Variants in DLGAP1 observed in about 807,000 individuals in gnomAD.
DLGAP1 encodes disks large-associated protein 1.
In DLGAP1, 11 loss-of-function variants were observed where a neutral mutation model predicts 90.8. That is an observed-to-expected ratio of 0.12 (90% confidence interval 0.08 to 0.20). The LOEUF (loss-of-function observed/expected upper bound fraction) is 0.20. Among genes scored for constraint, DLGAP1 ranks in the 10% least tolerant of loss-of-function variants. DLGAP1 has a pLI of 1.00. For missense variants in DLGAP1, 1,050 were observed against 1,333.8 expected (o/e 0.79, Z 3.31); for synonymous variants, 558 against 540.7 (o/e 1.03, Z -0.44).
At chr18:3,606,627 T>C (rs943848537) in intron 7 of DLGAP1, 1 of 152,170 alleles carries the variant, frequency 6.6e-6, no homozygotes, top group Admixed American at 6.5e-5. Context: ...ATTGTAACTA[T>C]ACCAAATTAC....
chr18:4,351,505 C>A (rs540536741), intron 1 of DLGAP1, among the ~76,000 whole-genome samples: 1 of 152,266 alleles, frequency 6.6e-6, no homozygotes, highest in African/African-American at 2.4e-5. Context: ...CTAAGGGTCT[C>A]TTAGGTGACT....
intron 2 of DLGAP1, among the ~76,000 whole-genome samples, chr18:4,116,948 C>T (rs9958265): frequency 0.51 from 77,191 of 151,950 alleles, 20,910 homozygotes; most frequent in African/African-American, 0.7. Flanking sequence ...CCAAAATTCA[C>T]AGATTGAAGT....
chr18:4,436,777 T>C (rs2083410053), intron 1 of DLGAP1, among the ~76,000 whole-genome samples: 1 of 152,220 alleles, frequency 6.6e-6, no homozygotes, highest in South Asian at 2.1e-4. Flanking sequence ...TTCCTGAAGG[T>C]GAACCAGCTA....
intron 1 of DLGAP1, among the ~76,000 whole-genome samples, chr18:4,275,556 C>T (rs545629452): frequency 1.1e-4 from 17 of 151,446 alleles, no homozygotes; most frequent in Admixed American, 2.0e-4. Flanking sequence ...GGTCCTTCTC[C>T]CCATGCTAGA....
At chr18:3,849,739 C>T (rs935157046) in intron 4 of DLGAP1, among the ~76,000 whole-genome samples, 3 of 152,144 alleles carry the variant, frequency 2.0e-5, no homozygotes, top group African/African-American at 4.8e-5. Context: ...ACAATGGGAG[C>T]GCAAGAGCAG....
intron 1 of DLGAP1, among the ~76,000 whole-genome samples, chr18:4,224,626 G>C (rs1050924078): frequency 2.6e-5 from 4 of 152,126 alleles, no homozygotes; most frequent in African/African-American, 9.7e-5. Context: ...TGTGGAAAGG[G>C]GAGAGAAGAG....
intron 1 of DLGAP1, among the ~76,000 whole-genome samples, chr18:4,273,535 C>T (rs897285053): frequency 9.9e-5 from 15 of 152,144 alleles, no homozygotes; most frequent in Non-Finnish European, 1.8e-4. Flanking sequence ...TTCAAACTCC[C>T]GGGCTCAAGC....
intron 2 of DLGAP1, among the ~76,000 whole-genome samples, chr18:4,006,689 A>C (rs1369332572): frequency 6.8e-6 from 1 of 147,418 alleles, no homozygotes; most frequent in Non-Finnish European, 1.5e-5. Context: ...TCTGTCGCCC[A>C]GGCTGGAGTG....
intron 3 of DLGAP1, among the ~76,000 whole-genome samples, chr18:3,952,251 T>A (rs1175948653): frequency 6.6e-6 from 1 of 152,222 alleles, no homozygotes; most frequent in African/African-American, 2.4e-5. Context: ...TTTACTGCTT[T>A]TATCTTTTAA....
intron 7 of DLGAP1, among the ~76,000 whole-genome samples, chr18:3,685,623 A>G (rs951709685): frequency 2.8e-5 from 4 of 144,364 alleles, no homozygotes; most frequent in Non-Finnish European, 3.0e-5. Context: ...TTATTTATTT[A>G]TTTTGTAGAG....
rs1439089626 is a variant in DLGAP1, at chr18:3,772,342, CTCTCTCTTTCTTTCTTTCTTTCTTTCTT to C, written c.1173-29858_1173-29831del. 7.9e-3 allele frequency among the ~76,000 whole-genome samples: 644 copies of C among 81,100 alleles called. 18 individuals carry two copies. Among genetic ancestry groups the C allele is most frequent in the African/African-American group, 0.015 (388 of 25,468 alleles). The allele number at this position is 81,100 out of a possible 152,430, so 53.2% of individuals were successfully genotyped here. On this transcript the variant is annotated intron_variant, in intron 5 of 12. Transcript: ENST00000315677. ...CCTTCCTTTCTCTCCTTCTCTCTCT[CTCTCTCTTTCTTTCTTTCTTTCTTTCTT>C]TCTTTCTTTCTTTCTTTCTTTCTTT...
At chr18:3,601,963 C>CG (rs2057059156) in intron 7 of DLGAP1, among the ~76,000 whole-genome samples, 1 of 151,814 alleles carries the variant, frequency 6.6e-6, no homozygotes. Flanking sequence ...GAGTGGAGAT[C>CG]GGGCCACTGC....
At chr18:4,029,342 T>C (rs911962187) in intron 2 of DLGAP1, among the ~76,000 whole-genome samples, 2 of 152,228 alleles carry the variant, frequency 1.3e-5, no homozygotes, top group Non-Finnish European at 2.9e-5. Flanking sequence ...TTTGATATAC[T>C]GATTTCATTT....
At chr18:4,134,523 T>C (rs1290883313) in intron 2 of DLGAP1, among the ~76,000 whole-genome samples, 1 of 152,054 alleles carries the variant, frequency 6.6e-6, no homozygotes, top group Non-Finnish European at 1.5e-5. Flanking sequence ...GAGGCAGAGA[T>C]AATTCATTCA....
chr18:4,224,305 C>T (rs1287025344), intron 1 of DLGAP1, among the ~76,000 whole-genome samples: 1 of 152,150 alleles, frequency 6.6e-6, no homozygotes, highest in Non-Finnish European at 1.5e-5. Flanking sequence ...TGAGGAGAGA[C>T]CCCTTCTTCT....
At chr18:3,641,827 T>G (rs2058957202) in intron 7 of DLGAP1, among the ~76,000 whole-genome samples, 1 of 152,184 alleles carries the variant, frequency 6.6e-6, no homozygotes, top group South Asian at 2.1e-4. Flanking sequence ...TATGAGCCTT[T>G]CAAGAGGATA....
intron 1 of DLGAP1, among the ~76,000 whole-genome samples, chr18:4,151,515 T>A (rs2076674398): frequency 6.6e-6 from 1 of 152,266 alleles, no homozygotes; most frequent in Non-Finnish European, 1.5e-5. Flanking sequence ...AATGTTGCTG[T>A]AATAAATAGG....
rs151034638 is a variant in DLGAP1 at position 4,446,268 on chromosome 18, T to C, written c.-267+8738A>G. ...GGCAGGGGAATACTAGCGAATGGGA[T>C]TGTTGCTCTTTTGGGGGGCTCCAGG... On this transcript the variant is annotated intron_variant, in intron 1 of 12. Transcript: ENST00000315677. Among the ~76,000 whole-genome samples the C allele has an allele frequency of 1.6e-3, 241 of 152,240 alleles. 1 individual carries two copies. The highest frequency in any genetic ancestry group is 5.6e-3 in the African/African-American group (231 of 41,540).
intron 9 of DLGAP1, among the ~76,000 whole-genome samples, chr18:3,553,707 T>A (rs1343625856): frequency 6.9e-6 from 1 of 145,556 alleles, no homozygotes; most frequent in Admixed American, 7.2e-5. Context: ...CTAATTTTTG[T>A]ATTTTTAGTA....
Sources: allele counts gnomAD v4.1 joint callset (sites outside exome capture counted in the v4.1 genomes callset), GRCh38; gene constraint gnomAD v4.1.1; transcripts MANE v1.5; gene names NCBI Gene and HGNC (gene_info 2026-07-23, HGNC 2026-07-21).